The following BECN1 variants were observed in gnomAD, a reference collection of about 807,000 sequenced individuals.
BECN1 encodes beclin 1, also known as beclin-1.
BECN1 carries 15 observed loss-of-function variants against 60.1 expected under a neutral mutation model. The observed-to-expected ratio is 0.25, with a 90% CI of 0.17 to 0.38. The LOEUF (loss-of-function observed/expected upper bound fraction) is 0.38. BECN1 is among the 10% of genes least tolerant of loss of function. The probability of loss-of-function intolerance (pLI) is 1.00; values close to 1 mark genes in which losing one functional copy is unlikely to be tolerated. For missense variants in BECN1, 424 were observed against 548.2 expected, an observed-to-expected ratio of 0.77 and a Z score of 2.26; for synonymous variants, 179 against 201.8, an observed-to-expected ratio of 0.89 and a Z score of 0.96.
Position 42,819,537 on chromosome 17 carries a change from G to A in BECN1, c.260+11C>T. Reference sequence around the variant, plus strand: ...TTTGGCAAGGAATGGGGGCTGAGAAGTAGTAGGCACCTGGCTGGGGGGATG... The same window carrying A: ...TTTGGCAAGGAATGGGGGCTGAGAAATAGTAGGCACCTGGCTGGGGGGATG... On this transcript the variant is annotated intron_variant, in intron 4 of 11. Coordinates refer to ENST00000590099, the MANE Select transcript of BECN1 (RefSeq NM_001313998.2). 2 of 1,613,292 alleles carry A rather than the reference G, an allele frequency of 1.2e-6. No individual in the cohort carries two copies. Among genetic ancestry groups the A allele is most frequent in the Non-Finnish European group, 1.7e-6 (2 of 1,179,784 alleles).
rs774954795 is a variant in BECN1, at chr17:42,818,651, C to T, written c.381G>A (p.Ser127=). 5 of 1,614,128 alleles carry T rather than the reference C, an allele frequency of 3.1e-6. No homozygotes were observed. In the South Asian group the frequency reaches 5.5e-5, roughly 18 times the overall value. The change falls in exon 6 of 12, where the codon TCG becomes TCA. Residue 127 remains serine (S), a synonymous_variant. Transcript: ENST00000590099. ...KVTGDLFDIM[S]GQTDVDHPLC... Reference sequence around the variant, plus strand: ...GTGGGTGATCCACATCTGTCTGGCCCGACATGATGTCAAAAAGGTCCCCAG... The same window carrying T: ...GTGGGTGATCCACATCTGTCTGGCCTGACATGATGTCAAAAAGGTCCCCAG...
intron 7 of BECN1, among the ~76,000 whole-genome samples, chr17:42,816,649 CAA>C (rs1312388751): frequency 2.1e-4 from 16 of 77,230 alleles, no homozygotes; most frequent in African/African-American, 3.3e-4. Context: ...GACTCTGTCT[CAA>C]AAAAAAAAAA....
At chr17:42,811,033 A>T (rs1447291318) in intron 11 of BECN1, 105 bp from the exon 12 acceptor site, 12 of 1,201,764 alleles carry the variant, frequency 1.0e-5, no homozygotes, top group Non-Finnish European at 1.4e-5. Flanking sequence ...TATCTATTAA[A>T]GAACACTTGG....
At chr17:42,813,199 TA>T (rs1198375008) in intron 10 of BECN1, among the ~76,000 whole-genome samples, 2 of 151,852 alleles carry the variant, frequency 1.3e-5, no homozygotes, top group East Asian at 1.9e-4. Context: ...CAAAATTATT[TA>T]AAATATTGTA....
intron 11 of BECN1, 81 bp from the exon 12 acceptor site, chr17:42,811,009 C>A (rs1262103539): frequency 1.5e-6 from 2 of 1,345,006 alleles, no homozygotes; most frequent in African/African-American, 2.9e-5. Context: ...ATCATGGGAC[C>A]ATTCACGTCA....
intron 3 of BECN1, among the ~76,000 whole-genome samples, chr17:42,820,151 G>A (rs2144196495): frequency 6.6e-6 from 1 of 152,238 alleles, no homozygotes; most frequent in Admixed American, 6.5e-5. Flanking sequence ...CAGAATTAAT[G>A]ACCTCCACTA....
At chr17:42,813,822 A>C (rs1245249145) in intron 10 of BECN1, 126 bp downstream of exon 10, 1 of 661,376 alleles carries the variant, frequency 1.5e-6, no homozygotes, top group Non-Finnish European at 2.5e-6. Context: ...GATATTGAAC[A>C]ATATACTGGC....
chr17:42,821,895 A>G (rs1322197912), intron 2 of BECN1, among the ~76,000 whole-genome samples: 1 of 152,220 alleles, frequency 6.6e-6, no homozygotes, highest in Admixed American at 6.5e-5. Flanking sequence ...TTTCCATAAT[A>G]AAAAGTCAAA....
At chr17:42,820,089 T>TAA (rs2055230716) in intron 3 of BECN1, among the ~76,000 whole-genome samples, 1 of 152,178 alleles carries the variant, frequency 6.6e-6, no homozygotes, top group Non-Finnish European at 1.5e-5. Context: ...GCCTCCTTGC[T>TAA]TAAAGGCTTC....
intron 11 of BECN1, chr17:42,811,439 C>G (rs1420075617): frequency 4.2e-6 from 2 of 474,574 alleles, no homozygotes; most frequent in Admixed American, 4.2e-5. Flanking sequence ...ACCCCCTAAA[C>G]CATCTAAGGC....
chr17:42,814,951 G>T, intron 8 of BECN1: 2 of 435,758 alleles, frequency 4.6e-6, no homozygotes, highest in South Asian at 2.7e-5. Context: ...TAAATATCTT[G>T]GATCTTTCCA....
chr17:42,823,592 T>A (rs181553383), intron 2 of BECN1, 156 bp downstream of exon 2: 1 of 1,131,080 alleles, frequency 8.8e-7, no homozygotes, highest in Admixed American at 2.8e-5. Flanking sequence ...GAATGCTTTA[T>A]GTTTCCAAGG....
chr17:42,814,583 C>T lies in BECN1; in HGVS notation c.921G>A (p.Trp307Ter). 1 of 1,614,182 alleles carries T rather than the reference C, an allele frequency of 6.2e-7. No individual in the cohort carries two copies. Among genetic ancestry groups the T allele is most frequent in the African/African-American group, 1.3e-5 (1 of 75,052 alleles). ...CATGGAGCAGCAACACAGTCTGGCC[C>T]CAAGCAGCATTAATCTCATTCCATT... ...PVEWNEINAAWGQTVLLLHAL... is the reference protein window; with the variant it reads ...PVEWNEINAA Residue 307 changes from tryptophan to a stop codon, truncating the protein, a stop_gained, in exon 9 of 12, where the codon TGG becomes TGA. Coordinates refer to ENST00000590099, the MANE Select transcript of BECN1 (RefSeq NM_001313998.2). LOFTEE classifies it high-confidence loss of function.
At chr17:42,814,457 G>A (rs2055102628) in intron 9 of BECN1, 67 bp downstream of exon 9, 18 of 1,593,408 alleles carry the variant, frequency 1.1e-5, no homozygotes, top group Admixed American at 1.7e-5. Flanking sequence ...GTGGACAGCA[G>A]TACCAGGTTG....
intron 8 of BECN1, chr17:42,815,602 C>A: frequency 2.5e-6 from 1 of 400,556 alleles, no homozygotes; most frequent in Non-Finnish European, 4.5e-6. Context: ...AGAGTAGACA[C>A]TCAACAGTTA....
At chr17:42,813,078 T>C (rs1262678482) in intron 10 of BECN1, among the ~76,000 whole-genome samples, 3 of 149,688 alleles carry the variant, frequency 2.0e-5, no homozygotes, top group African/African-American at 7.4e-5. Flanking sequence ...TCTCCTGACC[T>C]TGTGATCCAC....
chr17:42,823,619 GA>G, intron 2 of BECN1, 128 bp downstream of exon 2: 1 of 1,313,076 alleles, frequency 7.6e-7, no homozygotes. Flanking sequence ...CAGGGAGCCA[GA>G]TGAAGTGACT....
In BECN1 at chr17:42,811,751, T is replaced by C. The variant is rs781530087; in HGVS notation, c.1088A>G (p.Asn363Ser). ...CSGGLRFFWD[N>S]KFDHAMVAFL... ...AGCCACCATTGCATGGTCAAACTTG[T>C]TGTCCCAGAAAAACCGCAACCCCCC... Residue 363 changes from asparagine to serine, a missense_variant, in exon 11 of 12, where the codon AAC becomes AGC. Physicochemically the swap from Asn to Ser is conservative, Grantham distance 46. This residue lies in a region of BECN1 where 326 missense variants were observed against 406.2 expected (regional missense o/e 0.80). Coordinates refer to ENST00000590099, the MANE Select transcript of BECN1 (RefSeq NM_001313998.2). 6.2e-7 allele frequency: 1 copy of C among 1,614,168 alleles called. No homozygotes were observed. The highest frequency in any genetic ancestry group is 8.5e-7 in the Non-Finnish European group (1 of 1,180,034).
chr17:42,813,219 C>T (rs1447098266), intron 10 of BECN1, among the ~76,000 whole-genome samples: 1 of 151,768 alleles, frequency 6.6e-6, no homozygotes, highest in East Asian at 1.9e-4. Context: ...TATGAAATTA[C>T]CTCAGACTAC....
Sources: gnomAD v4.1 joint callset for allele counts (sites outside exome capture counted in the v4.1 genomes callset) on GRCh38, gnomAD v4.1.1 for gene constraint, gnomAD v4.1.1 regional missense constraint, MANE v1.5 for transcripts, NCBI Gene and HGNC (gene_info 2026-07-23, HGNC 2026-07-21) for gene names.